Variants in CACNA2D3 observed in about 807,000 individuals in gnomAD.
The protein encoded by CACNA2D3 is calcium voltage-gated channel auxiliary subunit alpha2delta 3.
A neutral mutation model predicts 160.6 loss-of-function variants in CACNA2D3; 60 were observed. The ratio of observed to expected loss-of-function variants is 0.37; its 90% CI spans 0.30 to 0.46. The LOEUF (loss-of-function observed/expected upper bound fraction) is 0.46. CACNA2D3 is among the 20% of genes least tolerant of loss of function. CACNA2D3 has a pLI of 1.00. For synonymous variants in CACNA2D3, 558 were observed against 492.9 expected, an observed-to-expected ratio of 1.13 and a Z score of -1.75; for missense variants, 1,205 against 1,365.0, an observed-to-expected ratio of 0.88 and a Z score of 1.85.
At chr3:54,787,523 T>A (rs1702664849) in intron 13 of CACNA2D3, among the ~76,000 whole-genome samples, 1 of 152,148 alleles carries the variant, frequency 6.6e-6, no homozygotes, top group African/African-American at 2.4e-5. Context: ...AAAAACAGAT[T>A]ATTAGGAGAA....
intron 27 of CACNA2D3, among the ~76,000 whole-genome samples, chr3:54,933,450 T>A (rs1368252052): frequency 6.6e-6 from 1 of 152,144 alleles, no homozygotes; most frequent in Non-Finnish European, 1.5e-5. Context: ...GCCCTCTCCA[T>A]CAGTTGGAAA....
Position 54,392,704 on chromosome 3 carries a change from A to G in CACNA2D3, c.381+5930A>G, listed in dbSNP as rs377325418. 5.3e-5 allele frequency among the ~76,000 whole-genome samples: 8 copies of G among 152,230 alleles called. No individual in the cohort carries two copies. In the East Asian group the frequency reaches 1.5e-3, roughly 29 times the overall value. On this transcript the variant is annotated intron_variant, in intron 4 of 37. Coordinates refer to ENST00000474759, the MANE Select transcript of CACNA2D3 (RefSeq NM_018398.3). The stretch of plus-strand genomic sequence containing the variant: ...AGGGGGAATAAAGACTGTTGGTGGG[A>G]AACCTCTGAGATAAGATGACTTCCG...
intron 17 of CACNA2D3, among the ~76,000 whole-genome samples, chr3:54,855,055 A>C (rs1364676791): frequency 6.6e-6 from 1 of 152,318 alleles, no homozygotes; most frequent in Admixed American, 6.5e-5. Context: ...ACAAAATGCC[A>C]GGTTGGGCTG....
chr3:54,185,195 G>T (rs1411841692), intron 2 of CACNA2D3, among the ~76,000 whole-genome samples: 1 of 152,150 alleles, frequency 6.6e-6, no homozygotes, highest in Admixed American at 6.5e-5. Context: ...CTTCTAAATG[G>T]CTTATAGAAG....
At chr3:54,360,050 G>A (rs1187039692) in intron 3 of CACNA2D3, among the ~76,000 whole-genome samples, 1 of 152,202 alleles carries the variant, frequency 6.6e-6, no homozygotes, top group Non-Finnish European at 1.5e-5. Flanking sequence ...CCTAGGCCAG[G>A]AGTTAGCAAA....
At chr3:54,833,096 C>A (rs1703913858) in intron 14 of CACNA2D3, among the ~76,000 whole-genome samples, 1 of 152,166 alleles carries the variant, frequency 6.6e-6, no homozygotes, top group Non-Finnish European at 1.5e-5. Flanking sequence ...GGGAAGCTGA[C>A]AGGAAGCAGT....
intron 3 of CACNA2D3, among the ~76,000 whole-genome samples, chr3:54,356,329 A>G (rs546155623): frequency 2.7e-4 from 41 of 152,332 alleles, no homozygotes; most frequent in Non-Finnish European, 4.4e-4. Flanking sequence ...GTTGTGTTAT[A>G]TATGAACTAA....
intron 1 of CACNA2D3, 61 bp from the exon 2 acceptor site, chr3:54,123,452 T>C (rs1307936797): frequency 3.7e-6 from 4 of 1,077,290 alleles, no homozygotes; most frequent in Non-Finnish European, 5.8e-6. Context: ...CGTGTGCGTG[T>C]GCGTGCGTGT....
chr3:54,284,077 A>G (rs1702950284), intron 2 of CACNA2D3, among the ~76,000 whole-genome samples: 1 of 152,142 alleles, frequency 6.6e-6, no homozygotes, highest in Non-Finnish European at 1.5e-5. Flanking sequence ...ACAAAAAACA[A>G]AAACAAAACA....
Position 55,026,908 on chromosome 3 carries a change from T to C in CACNA2D3, c.2987+8591T>C, listed in dbSNP as rs146751243. Among the ~76,000 whole-genome samples the C allele has an allele frequency of 1.3e-4, 20 of 152,370 alleles. 1 individual carries two copies. In the East Asian group the frequency reaches 3.9e-3, roughly 29 times the overall value. On this transcript the variant is annotated intron_variant, in intron 35 of 37. Coordinates refer to ENST00000474759, the MANE Select transcript of CACNA2D3 (RefSeq NM_018398.3). ...ATGGGAAAAATGACATGGTGGCCTC[T>C]TGAAACAGAAACTCCTCATTCAGAC...
At chr3:54,822,832 TTTTCTTTCTTTC>T (rs60981421) in intron 14 of CACNA2D3, among the ~76,000 whole-genome samples, 6 of 58,028 alleles carry the variant, frequency 1.0e-4, no homozygotes, top group African/African-American at 4.3e-4. Flanking sequence ...TCTTTCTTTC[TTTTCTTTCTTTC>T]TTTCTTTCTT....
chr3:54,763,824 CGTATATATAT>C (rs1192567890), intron 12 of CACNA2D3, among the ~76,000 whole-genome samples: 1 of 67,762 alleles, frequency 1.5e-5, no homozygotes, highest in African/African-American at 6.3e-5. Flanking sequence ...TATATATATA[CGTATATATAT>C]GTATATATAT....
intron 11 of CACNA2D3, among the ~76,000 whole-genome samples, chr3:54,724,283 C>A (rs1228771521): frequency 6.6e-6 from 1 of 152,072 alleles, no homozygotes; most frequent in Non-Finnish European, 1.5e-5. Context: ...TCTTAGAGAC[C>A]TACAAAGAGA....
intron 9 of CACNA2D3, among the ~76,000 whole-genome samples, chr3:54,606,589 C>T (rs1698631212): frequency 6.6e-6 from 1 of 152,046 alleles, no homozygotes; most frequent in Non-Finnish European, 1.5e-5. Context: ...GGAGGATTGC[C>T]ATTTGCCGAG....
intron 9 of CACNA2D3, among the ~76,000 whole-genome samples, chr3:54,618,957 C>T (rs936634476): frequency 9.9e-5 from 15 of 152,214 alleles, no homozygotes; most frequent in African/African-American, 3.4e-4. Flanking sequence ...TGAAAGCATT[C>T]TTCCTCCAAG....
intron 27 of CACNA2D3, among the ~76,000 whole-genome samples, chr3:54,953,944 G>A (rs1484837894): frequency 2.0e-5 from 3 of 152,190 alleles, no homozygotes; most frequent in Non-Finnish European, 4.4e-5. Flanking sequence ...CTTGTGTCAT[G>A]AATAAGCAGA....
At chr3:54,898,300 G>A (rs1193399395) in intron 26 of CACNA2D3, among the ~76,000 whole-genome samples, 1 of 143,518 alleles carries the variant, frequency 7.0e-6, no homozygotes, top group Non-Finnish European at 1.5e-5. Flanking sequence ...TTGGCTCATT[G>A]CAACCTCTGC....
chr3:54,873,121 T>A (rs1228026269), intron 18 of CACNA2D3, among the ~76,000 whole-genome samples: 1 of 152,058 alleles, frequency 6.6e-6, no homozygotes, highest in Non-Finnish European at 1.5e-5. Context: ...AGAAAATGAG[T>A]GTGATGGCAG....
At chr3:54,172,279 A>G (rs1210560845) in intron 2 of CACNA2D3, among the ~76,000 whole-genome samples, 1 of 152,176 alleles carries the variant, frequency 6.6e-6, no homozygotes, top group Non-Finnish European at 1.5e-5. Context: ...AGGCCTGTGC[A>G]CTTGTTTTCG....
Sources: gnomAD v4.1 joint callset for allele counts (sites outside exome capture counted in the v4.1 genomes callset) on GRCh38, gnomAD v4.1.1 for gene constraint, MANE v1.5 for transcripts, NCBI Gene and HGNC (gene_info 2026-07-23, HGNC 2026-07-21) for gene names.